Variants in NETO1 observed in about 807,000 individuals in gnomAD.
The protein encoded by NETO1 is neuropilin and tolloid like 1, also known as neuropilin and tolloid-like protein 1.
Under a neutral mutation model 61.3 loss-of-function variants are expected in NETO1, and 26 were observed. The observed-to-expected ratio is 0.42, with a 90% CI of 0.31 to 0.59. The LOEUF (loss-of-function observed/expected upper bound fraction) is 0.59, where lower values mean the gene tolerates loss of function less well. Among genes scored for constraint, NETO1 ranks in the 20% least tolerant of loss-of-function variants. NETO1 has a pLI of 0.12. For synonymous variants in NETO1, 225 were observed against 225.8 expected (o/e 1.00, Z 0.03); for missense variants, 531 against 662.8 (o/e 0.80, Z 2.18).
At chr18:72,846,532 A>AAAAAAAAAG (rs2074093018) in intron 4 of NETO1, among the ~76,000 whole-genome samples, 1 of 149,400 alleles carries the variant, frequency 6.7e-6, no homozygotes, top group Non-Finnish European at 1.5e-5. Flanking sequence ...AAAAAAAAAA[A>AAAAAAAAAG]AAGAAGATGC....
At chr18:72,777,838 A>G (rs760425169) in intron 7 of NETO1, among the ~76,000 whole-genome samples, 6 of 152,198 alleles carry the variant, frequency 3.9e-5, no homozygotes, top group Non-Finnish European at 7.3e-5. Context: ...TTTTCTGGGA[A>G]CAGCCACAGC....
chr18:72,784,740 T>C (rs2071856578), intron 6 of NETO1, among the ~76,000 whole-genome samples: 1 of 152,240 alleles, frequency 6.6e-6, no homozygotes, highest in African/African-American at 2.4e-5. Flanking sequence ...ATTATTTGAC[T>C]CTTTACTAAT....
chr18:72,841,840 T>A (rs944272877), intron 4 of NETO1, among the ~76,000 whole-genome samples: 1 of 151,916 alleles, frequency 6.6e-6, no homozygotes, highest in African/African-American at 2.4e-5. Flanking sequence ...CTTTCCTTTA[T>A]CTGCTGTGTT....
At chr18:72,772,825 C>CTCTATATATA (rs1568187563) in intron 7 of NETO1, among the ~76,000 whole-genome samples, 5 of 40,852 alleles carry the variant, frequency 1.2e-4, no homozygotes, top group Non-Finnish European at 2.2e-4. Context: ...CTCTCTCTCT[C>CTCTATATATA]TATATATATA....
chr18:72,785,446 T>C (rs1487901027), intron 6 of NETO1, among the ~76,000 whole-genome samples: 1 of 152,200 alleles, frequency 6.6e-6, no homozygotes, highest in African/African-American at 2.4e-5. Flanking sequence ...AGTTGCAAAG[T>C]ACAGATTCTC....
At chr18:72,841,754 A>AAAAAAAAAT (rs1568249493) in intron 4 of NETO1, among the ~76,000 whole-genome samples, 2 of 150,434 alleles carry the variant, frequency 1.3e-5, no homozygotes, top group Non-Finnish European at 1.5e-5. Context: ...AAAAAAAAAA[A>AAAAAAAAAT]AAAGTCACTT....
intron 4 of NETO1, among the ~76,000 whole-genome samples, chr18:72,843,580 C>T (rs190380734): frequency 9.9e-5 from 15 of 152,174 alleles, no homozygotes; most frequent in East Asian, 3.9e-4. Flanking sequence ...ATTTCATATG[C>T]GGTGTAGCTC....
intron 4 of NETO1, chr18:72,835,288 T>C: frequency 1.3e-6 from 2 of 1,590,340 alleles, no homozygotes; most frequent in Non-Finnish European, 1.7e-6. Flanking sequence ...CGAAACACTC[T>C]GTAGATCCTG....
chr18:72,836,811 G>C (rs2073764326), intron 4 of NETO1, among the ~76,000 whole-genome samples: 1 of 152,072 alleles, frequency 6.6e-6, no homozygotes, highest in Non-Finnish European at 1.5e-5. Flanking sequence ...TCAGATTTTT[G>C]TTTCGTGTAT....
At chr18:72,848,625 T>C (rs1312875501) in intron 4 of NETO1, among the ~76,000 whole-genome samples, 1 of 152,160 alleles carries the variant, frequency 6.6e-6, no homozygotes, top group African/African-American at 2.4e-5. Flanking sequence ...TGAAATACAG[T>C]TGACAAATTC....
Position 72,756,099 on chromosome 18 carries a change from T to C in NETO1, c.917A>G (p.Asn306Ser). 6.2e-7 allele frequency: 1 copy of C among 1,610,534 alleles called. No homozygotes were observed. The highest frequency in any genetic ancestry group is 8.5e-7 in the Non-Finnish European group (1 of 1,177,128). ...TFFCHSNMCI[N>S]NTLVCNGLQN... ...GAGTCCATTGCAGACCAAAGTATTA[T>C]TAATACACATGTTACTATGGCAGAA... Residue 306 changes from asparagine (N) to serine (S), a missense_variant, in exon 8 of 11, where the codon AAT becomes AGT. Asn to Ser is a conservative substitution (Grantham distance 46, BLOSUM62 1). Coordinates refer to ENST00000327305, the MANE Select transcript of NETO1 (RefSeq NM_138966.5).
In NETO1 at chr18:72,801,321, A is replaced by T. The variant is rs147604813; in HGVS notation, c.470-6917T>A. On this transcript the variant is annotated intron_variant, in intron 4 of 10. Transcript: ENST00000327305. ...CTAAAGTTTTTTAAATGTTATTGCA[A>T]CTATTATTCTATGAGCCCAGGAGTG... Among the ~76,000 whole-genome samples the T allele has an allele frequency of 3.6e-3, 546 of 152,256 alleles. 1 individual carries two copies. The highest frequency in any genetic ancestry group is 0.01 in the South Asian group (50 of 4,824).
At chr18:72,789,249 C>CA (rs1568201598) in intron 6 of NETO1, among the ~76,000 whole-genome samples, 1 of 98,822 alleles carries the variant, frequency 1.0e-5, no homozygotes, top group Non-Finnish European at 2.7e-5. Context: ...CACACACACA[C>CA]ATGTGCACAG....
intron 6 of NETO1, among the ~76,000 whole-genome samples, chr18:72,790,791 T>C (rs1012113524): frequency 1.3e-5 from 2 of 152,142 alleles, no homozygotes; most frequent in African/African-American, 2.4e-5. Flanking sequence ...TGCCATGTCC[T>C]TTTTTATTTT....
At chr18:72,796,590 C>G (rs1466660451) in intron 4 of NETO1, among the ~76,000 whole-genome samples, 1 of 152,016 alleles carries the variant, frequency 6.6e-6, no homozygotes, top group Non-Finnish European at 1.5e-5. Flanking sequence ...CATTCTCCTG[C>G]CTCAGCCTCC....
chr18:72,845,560 T>C (rs1285770245), intron 4 of NETO1, among the ~76,000 whole-genome samples: 5 of 152,238 alleles, frequency 3.3e-5, no homozygotes, highest in African/African-American at 1.2e-4. Flanking sequence ...ATCTGGTCAG[T>C]ATGTCTCAAA....
rs115969255 is a variant in NETO1, at chr18:72,834,932, A to T, written c.469+23894T>A. ...CTTTTAATATCATATATAAAATAACATTTAAAATAATATATTACATAAAAC... is the reference window on the plus strand; with the variant it reads ...CTTTTAATATCATATATAAAATAACTTTTAAAATAATATATTACATAAAAC... On this transcript the variant is annotated intron_variant, in intron 4 of 10. Coordinates refer to ENST00000327305, the MANE Select transcript of NETO1 (RefSeq NM_138966.5). 6.6e-3 allele frequency: 4,896 copies of T among 746,526 alleles called. 173 individuals carry two copies. In the African/African-American group the frequency reaches 0.087, roughly 13 times the overall value. 46.2% of individuals were successfully genotyped at this position (746,526 alleles called of 1,614,324 possible).
intron 8 of NETO1, among the ~76,000 whole-genome samples, chr18:72,751,278 T>A (rs1250822624): frequency 2.0e-5 from 3 of 152,152 alleles, no homozygotes; most frequent in African/African-American, 7.2e-5. Flanking sequence ...GTACATCAAG[T>A]GGAAATATAT....
chr18:72,776,492 G>A (rs1043323145), intron 7 of NETO1, among the ~76,000 whole-genome samples: 2 of 152,296 alleles, frequency 1.3e-5, no homozygotes, highest in Non-Finnish European at 2.9e-5. Flanking sequence ...AAAGGGAGCA[G>A]CTTATGACCA....
Sources: gnomAD v4.1 joint callset for allele counts (sites outside exome capture counted in the v4.1 genomes callset) on GRCh38, gnomAD v4.1.1 for gene constraint, MANE v1.5 for transcripts, NCBI Gene and HGNC (gene_info 2026-07-23, HGNC 2026-07-21) for gene names.